AARS1: variants seen among roughly 807,000 people sequenced by gnomAD.
The protein encoded by AARS1 is alanyl-tRNA synthetase 1, also known as alanine--tRNA ligase, cytoplasmic.
Under a neutral mutation model 108.9 loss-of-function variants are expected in AARS1, and 72 were observed. That is an observed-to-expected ratio of 0.66 (90% CI 0.55 to 0.80). AARS1 has a LOEUF of 0.80. Ranked by LOEUF, AARS1 falls within the 30% of genes least tolerant of loss-of-function variation. AARS1 has a pLI of 0.00. For missense variants in AARS1, 1,193 were observed against 1,233.2 expected (o/e 0.97, Z 0.49); for synonymous variants, 489 against 465.7 (o/e 1.05, Z -0.64).
intron 1 of AARS1, among the ~76,000 whole-genome samples, chr16:70,288,594 T>A (rs1352351313): frequency 1.6e-5 from 2 of 125,192 alleles, no homozygotes; most frequent in Non-Finnish European, 3.3e-5. Context: ...TGAAACGGAG[T>A]CTCCCTCTGT....
chr16:70,262,224 T>C (rs1489331832), intron 12 of AARS1, 122 bp downstream of exon 12: 19 of 1,239,034 alleles, frequency 1.5e-5, no homozygotes, highest in Non-Finnish European at 2.2e-5. Flanking sequence ...AGAAATACCA[T>C]GGAACCCAAC....
chr16:70,272,506 C>CAAAAA (rs34129241), intron 4 of AARS1, among the ~76,000 whole-genome samples: 4 of 17,026 alleles, frequency 2.3e-4, no homozygotes, highest in East Asian at 2.4e-3. Context: ...AACTCCATCT[C>CAAAAA]AAAAAAAAAA....
At chr16:70,265,375 A>G in intron 10 of AARS1, 163 bp downstream of exon 10, 1 of 1,159,454 alleles carries the variant, frequency 8.6e-7, no homozygotes, top group Non-Finnish European at 1.3e-6. Context: ...CATTATCGCC[A>G]ATTACTCCCT....
In AARS1 at chr16:70,276,536, T is replaced by G. The variant is rs1457318201; in HGVS notation, c.429A>C (p.Ala143=). ...ATTCCAGATCTGCTTCTAAGCCAGCTGCTTCATCCCCGCCAAAGTAAGTAA... is the reference window on the plus strand; with the variant it reads ...ATTCCAGATCTGCTTCTAAGCCAGCGGCTTCATCCCCGCCAAAGTAAGTAA... ...LYVTYFGGDE[A]AGLEADLECK... The change falls in exon 4 of 21, where the codon GCA becomes GCC. Residue 143 remains alanine, a synonymous_variant. Coordinates refer to ENST00000261772, the MANE Select transcript of AARS1 (RefSeq NM_001605.3). 8.7e-6 allele frequency: 14 copies of G among 1,614,168 alleles called. No individual in the cohort carries two copies. The highest frequency in any genetic ancestry group is 1.2e-5 in the Non-Finnish European group (14 of 1,180,034).
At position 70,270,308 on chromosome 16, in the gene AARS1, T is replaced by G; in HGVS notation, c.704A>C (p.Lys235Thr). Residue 235 changes from lysine (K) to threonine (T), a missense_variant, in exon 6 of 21, where the codon AAG becomes ACG. Lys to Thr is a moderately conservative substitution (Grantham distance 78). Coordinates refer to ENST00000261772, the MANE Select transcript of AARS1 (RefSeq NM_001605.3). ...EADGILKPLP[K>T]KSIDTGMGLE... The stretch of plus-strand genomic sequence containing the variant: ...GCCCATCCCTGTGTCAATGCTTTTC[T>G]TGGGAAGAGGTTTCAGAATGCCATC... The G allele has an allele frequency of 6.2e-7, 1 of 1,614,182 alleles. No homozygotes were observed. The highest frequency in any genetic ancestry group is 8.5e-7 in the Non-Finnish European group (1 of 1,180,030).
At chr16:70,266,101 CAGG>C (rs1960256518) in intron 9 of AARS1, among the ~76,000 whole-genome samples, 1 of 152,122 alleles carries the variant, frequency 6.6e-6, no homozygotes, top group Non-Finnish European at 1.5e-5. Context: ...ATCAGGAGGT[CAGG>C]AGATCGAGAC....
Position 70,254,013 on chromosome 16 carries a change from T to C in AARS1, c.2426A>G (p.Gln809Arg). ...GEALATAVIP[Q>R]WQKDELRETL... The stretch of plus-strand genomic sequence containing the variant: ...CTCCCGCAATTCATCCTTCTGCCAC[T>C]GGGGGATGACTGCAGTGGCCAGGGC... The change falls in exon 18 of 21, where the codon CAG (glutamine) becomes CGG (arginine). Residue 809 changes from glutamine (Q) to arginine (R), a missense_variant. Physicochemically the swap from Gln to Arg is conservative, Grantham distance 43 (BLOSUM62 1). Transcript: ENST00000261772. The C allele has an allele frequency of 6.2e-7, 1 of 1,614,114 alleles. No individual in the cohort carries two copies. Among genetic ancestry groups the C allele is most frequent in the Non-Finnish European group, 8.5e-7 (1 of 1,180,014 alleles).
Position 70,267,662 on chromosome 16 carries a change from G to T in AARS1, c.1219C>A (p.Pro407Thr), listed in dbSNP as rs139618202. 15 of 1,614,024 alleles carry T rather than the reference G, an allele frequency of 9.3e-6. No homozygotes were observed. In the African/African-American group the frequency reaches 1.6e-4, roughly 17 times the overall value. The change falls in exon 9 of 21, where the codon CCC becomes ACC. Residue 407 changes from proline to threonine, a missense_variant. By Grantham distance (38) the Pro-to-Thr change is conservative. Transcript: ENST00000261772. ...IQSLGDSKTIPGDTAWLLYDT... is the reference protein window; with the variant it reads ...IQSLGDSKTITGDTAWLLYDT... ...AAGGGCAAAAACTGGTACCTACCGGGAATGGTCTTGCTGTCTCCCAGGCTC... is the reference window on the plus strand; with the variant it reads ...AAGGGCAAAAACTGGTACCTACCGGTAATGGTCTTGCTGTCTCCCAGGCTC...
At chr16:70,261,504 A>G in intron 12 of AARS1, 1 of 280,760 alleles carries the variant, frequency 3.6e-6, no homozygotes, top group Non-Finnish European at 6.9e-6. Flanking sequence ...AGGCAGAGGC[A>G]GGAGAATCGC....
intron 7 of AARS1, 42 bp from the exon 8 acceptor site, chr16:70,268,421 G>A (rs1960317979): frequency 6.3e-7 from 1 of 1,580,562 alleles, no homozygotes; most frequent in African/African-American, 1.3e-5. Flanking sequence ...CCCAGCTGAG[G>A]GTTTTGTCTT....
chr16:70,277,607 T>A (rs1257625806), intron 2 of AARS1, among the ~76,000 whole-genome samples: 1 of 152,182 alleles, frequency 6.6e-6, no homozygotes, highest in Admixed American at 6.6e-5. Flanking sequence ...TGATGAATGA[T>A]TGGATGTATC....
chr16:70,257,006 T>C (rs1446408984), intron 15 of AARS1, among the ~76,000 whole-genome samples: 2 of 151,778 alleles, frequency 1.3e-5, no homozygotes, highest in African/African-American at 2.4e-5. Flanking sequence ...TCCCAGCACT[T>C]TGGGAGGCTG....
chr16:70,288,891 G>C (rs1020383618), intron 1 of AARS1, among the ~76,000 whole-genome samples: 1 of 152,066 alleles, frequency 6.6e-6, no homozygotes, highest in Admixed American at 6.6e-5. Context: ...CACATCCTCA[G>C]CATCTAGTAC....
chr16:70,266,517 T>C (rs992610947), intron 9 of AARS1, among the ~76,000 whole-genome samples: 1 of 150,176 alleles, frequency 6.7e-6, no homozygotes, highest in Non-Finnish European at 1.5e-5. Flanking sequence ...CAACCTCACC[T>C]GGACAATTTT....
At chr16:70,279,134 AAGGTCAGG>A (rs1463450250) in intron 2 of AARS1, among the ~76,000 whole-genome samples, 1 of 149,686 alleles carries the variant, frequency 6.7e-6, no homozygotes, top group Non-Finnish European at 1.5e-5. Flanking sequence ...GGCAGATCAC[AAGGTCAGG>A]AGTTCGAGAC....
At chr16:70,270,537 T>C (rs541692212) in intron 5 of AARS1, among the ~76,000 whole-genome samples, 197 bp from the exon 6 acceptor site, 1 of 151,526 alleles carries the variant, frequency 6.6e-6, no homozygotes, top group Admixed American at 6.6e-5. Flanking sequence ...AACTCTGGGG[T>C]TCATTTAAGA....
intron 4 of AARS1, among the ~76,000 whole-genome samples, chr16:70,275,578 C>T (rs1186825182): frequency 7.2e-5 from 11 of 151,936 alleles, no homozygotes; most frequent in East Asian, 3.9e-4. Context: ...CTGGCTAACA[C>T]GGTGAAACCC....
At position 70,269,695 on chromosome 16, in the gene AARS1, G is replaced by A. The variant is rs1960351225; in HGVS notation, c.885C>T (p.Tyr295=). The change falls in exon 7 of 21, where the codon TAC becomes TAT. Residue 295 remains tyrosine, a synonymous_variant. Coordinates refer to ENST00000261772, the MANE Select transcript of AARS1 (RefSeq NM_001605.3). ...TCCGAGCGTGGTCAGCCAGCACCCG[G>A]TAGGCCATGTCAATCCCATCGGCAT... ...AEDADGIDMA[Y]RVLADHARTI... is the part of the protein sequence containing the mutation. 6 of 1,614,024 alleles carry A rather than the reference G, an allele frequency of 3.7e-6. No homozygotes were observed. The highest frequency in any genetic ancestry group is 3.3e-5 in the South Asian group (3 of 91,086).
rs1025785263 is a variant in AARS1 at position 70,270,309 on chromosome 16, T to C, written c.703A>G (p.Lys235Glu). 6.2e-7 allele frequency: 1 copy of C among 1,614,182 alleles called. No individual in the cohort carries two copies. Residue 235 changes from lysine to glutamate, a missense_variant, in exon 6 of 21, where the codon AAG becomes GAG. Physicochemically the swap from Lys to Glu is moderately conservative, Grantham distance 56 (BLOSUM62 1). Coordinates refer to ENST00000261772, the MANE Select transcript of AARS1 (RefSeq NM_001605.3). ...EADGILKPLP[K>E]KSIDTGMGLE... ...CCCATCCCTGTGTCAATGCTTTTCTTGGGAAGAGGTTTCAGAATGCCATCA... is the reference window on the plus strand; with the variant it reads ...CCCATCCCTGTGTCAATGCTTTTCTCGGGAAGAGGTTTCAGAATGCCATCA...
Sources: gnomAD v4.1 joint callset for allele counts (sites outside exome capture counted in the v4.1 genomes callset) on GRCh38, gnomAD v4.1.1 for gene constraint, MANE v1.5 for transcripts, NCBI Gene and HGNC (gene_info 2026-07-23, HGNC 2026-07-21) for gene names.